PDZD9: variants seen among roughly 807,000 people sequenced by gnomAD.
The protein encoded by PDZD9 is PDZ domain containing 9.
PDZD9 carries 13 observed loss-of-function variants against 16.3 expected under a neutral mutation model. The ratio of observed to expected loss-of-function variants is 0.80; its 90% CI spans 0.52 to 1.27. The LOEUF (loss-of-function observed/expected upper bound fraction) is 1.27. Ranked by LOEUF, PDZD9 falls within the 50% of genes most tolerant of loss-of-function variation. The pLI is 0.00. For synonymous variants in PDZD9, 120 were observed against 111.0 expected, an observed-to-expected ratio of 1.08 and a Z score of -0.51; for missense variants, 288 against 310.9, an observed-to-expected ratio of 0.93 and a Z score of 0.55.
At chr16:21,995,853 G>A (rs908303154) in intron 2 of PDZD9, among the ~76,000 whole-genome samples, 1 of 152,014 alleles carries the variant, frequency 6.6e-6, no homozygotes, top group South Asian at 2.1e-4. Context: ...GTGCAGTGGC[G>A]CGATCTCAGC....
chr16:21,990,617 C>T (rs1362844283), intron 2 of PDZD9, among the ~76,000 whole-genome samples: 2 of 152,176 alleles, frequency 1.3e-5, no homozygotes. Flanking sequence ...GAAACAGCTG[C>T]TCATCCTACT....
intron 3 of PDZD9, among the ~76,000 whole-genome samples, chr16:21,987,973 C>G (rs1413538033): frequency 6.9e-6 from 1 of 145,548 alleles, no homozygotes; most frequent in African/African-American, 2.5e-5. Flanking sequence ...AAGTTGAATA[C>G]GGAAAAGAAA....
chr16:21,991,944 C>G (rs1012215162), intron 2 of PDZD9, among the ~76,000 whole-genome samples: 1 of 152,314 alleles, frequency 6.6e-6, no homozygotes, highest in Middle Eastern at 3.4e-3. Context: ...TCTAGGCACA[C>G]ATCGGTTCAA....
chr16:21,973,782 T>G, the PDZD9 span: 1 of 835,510 alleles, frequency 1.2e-6, no homozygotes, highest in Non-Finnish European at 1.9e-6. Context: ...AGTAAAATAT[T>G]AATCTATTTT....
chr16:21,965,069 A>C, the PDZD9 span, among the ~76,000 whole-genome samples: 14,236 of 152,214 alleles, frequency 0.094, 834 homozygotes, highest in South Asian at 0.27. Context: ...TCACATGGCA[A>C]GATGGCGGCA....
the PDZD9 span, chr16:21,973,943 T>G: frequency 6.2e-7 from 1 of 1,611,998 alleles, no homozygotes. Flanking sequence ...TCTTTGGGAT[T>G]TATACTATCT....
the PDZD9 span, among the ~76,000 whole-genome samples, chr16:21,964,787 A>C: frequency 1.3e-5 from 2 of 152,226 alleles, no homozygotes; most frequent in African/African-American, 4.8e-5. Flanking sequence ...TTAAAATTTG[A>C]GGGCAGGCAT....
chr16:21,977,438 C>T, the PDZD9 span, among the ~76,000 whole-genome samples: 2 of 152,120 alleles, frequency 1.3e-5, no homozygotes, highest in African/African-American at 4.8e-5. Flanking sequence ...ATAAGAGTAC[C>T]TATTCTACAA....
the PDZD9 span, among the ~76,000 whole-genome samples, chr16:21,975,419 T>C: frequency 6.6e-6 from 1 of 152,036 alleles, no homozygotes; most frequent in Non-Finnish European, 1.5e-5. Context: ...GGGGTGTGGC[T>C]CTGAAAATGG....
chr16:21,998,102 G>A (rs995747451), intron 1 of PDZD9, among the ~76,000 whole-genome samples: 4 of 152,176 alleles, frequency 2.6e-5, no homozygotes, highest in African/African-American at 9.7e-5. Flanking sequence ...ACCTTTCAGG[G>A]TTCTGGGAGC....
chr16:21,980,594 G>A (rs767521883), downstream of PDZD9: 4 of 1,614,178 alleles, frequency 2.5e-6, no homozygotes, highest in South Asian at 3.3e-5. Flanking sequence ...TCTTCTGAGT[G>A]TTTCCTGGAA....
chr16:21,999,179 T>A, intron 1 of PDZD9: 1 of 167,946 alleles, frequency 6.0e-6, no homozygotes, highest in Non-Finnish European at 1.3e-5. Context: ...AGGCAAAGGC[T>A]CTTCACACAG....
At chr16:21,990,121 G>GAA (rs1898986955) in intron 2 of PDZD9, among the ~76,000 whole-genome samples, 1 of 152,200 alleles carries the variant, frequency 6.6e-6, no homozygotes, top group Non-Finnish European at 1.5e-5. Context: ...TGCATTAACA[G>GAA]AAGTGTTTTC....
At chr16:21,988,848 G>T in intron 2 of PDZD9, 57 bp from the exon 3 acceptor site, 2 of 1,350,046 alleles carry the variant, frequency 1.5e-6, no homozygotes, top group Non-Finnish European at 2.0e-6. Flanking sequence ...GGACTATATT[G>T]ATTTCTGGCT....
chr16:21,979,997 G>A (rs1278467660), downstream of PDZD9, among the ~76,000 whole-genome samples: 1 of 152,198 alleles, frequency 6.6e-6, no homozygotes, highest in East Asian at 1.9e-4. Context: ...CTTTTGCCCA[G>A]CTGCAGGCTA....
At chr16:21,976,221 A>G in the PDZD9 span, 1 of 1,614,046 alleles carries the variant, frequency 6.2e-7, no homozygotes, top group East Asian at 2.2e-5. Context: ...AAACCTTTCC[A>G]ACACAGATGT....
the PDZD9 span, chr16:21,962,790 T>A: frequency 1.2e-6 from 2 of 1,614,176 alleles, no homozygotes; most frequent in Non-Finnish European, 1.7e-6. Flanking sequence ...CTGCTCAATG[T>A]CACCACAGCA....
intron 1 of PDZD9, chr16:21,999,160 A>G (rs1374712613): frequency 6.4e-6 from 1 of 157,142 alleles, no homozygotes; most frequent in African/African-American, 2.4e-5. Flanking sequence ...AAGGTATTTT[A>G]TGTGTTTTAG....
At chr16:21,969,464 A>G in the PDZD9 span, among the ~76,000 whole-genome samples, 13 of 152,298 alleles carry the variant, frequency 8.5e-5, no homozygotes, top group Admixed American at 3.9e-4. Flanking sequence ...CCCAGGAGGC[A>G]GTGATTGCAG....
Sources: gnomAD v4.1 joint callset for allele counts (sites outside exome capture counted in the v4.1 genomes callset) on GRCh38, gnomAD v4.1.1 for gene constraint, MANE v1.5 for transcripts, NCBI Gene and HGNC (gene_info 2026-07-23, HGNC 2026-07-21) for gene names.